Variants in SLC25A13 observed in about 807,000 individuals in gnomAD.
The protein encoded by SLC25A13 is electrogenic aspartate/glutamate antiporter SLC25A13, mitochondrial.
In SLC25A13, 70 loss-of-function variants were observed where a neutral mutation model predicts 85.5. That is an observed-to-expected ratio of 0.82 (90% confidence interval 0.68 to 1.00). The LOEUF is 1.00. Ranked by LOEUF, SLC25A13 falls within the 50% of genes least tolerant of loss-of-function variation. SLC25A13 has a pLI of 0.00. For synonymous variants in SLC25A13, 259 were observed against 288.7 expected (o/e 0.90, Z 1.04); for missense variants, 765 against 819.8 (o/e 0.93, Z 0.82).
At chr7:96,135,746 A>G (rs927024196) in intron 14 of SLC25A13, among the ~76,000 whole-genome samples, 2 of 152,182 alleles carry the variant, frequency 1.3e-5, no homozygotes, top group African/African-American at 4.8e-5. Flanking sequence ...CAGCAACACA[A>G]AAATATTACT....
intron 1 of SLC25A13, among the ~76,000 whole-genome samples, chr7:96,311,535 C>A: frequency 6.6e-6 from 1 of 151,922 alleles, no homozygotes; most frequent in Non-Finnish European, 1.5e-5. Context: ...AGGAAACAAC[C>A]AAAAAGGGGG....
intron 13 of SLC25A13, among the ~76,000 whole-genome samples, chr7:96,157,645 A>T (rs573181282): frequency 3.3e-5 from 5 of 152,122 alleles, no homozygotes; most frequent in African/African-American, 1.2e-4. Flanking sequence ...CTCTACTAAA[A>T]ATACAAAAAT....
At chr7:96,157,432 C>T (rs1365546986) in intron 13 of SLC25A13, among the ~76,000 whole-genome samples, 1 of 152,158 alleles carries the variant, frequency 6.6e-6, no homozygotes, top group Non-Finnish European at 1.5e-5. Context: ...ATCCCTCTTG[C>T]CATGTTACAT....
chr7:96,165,476 C>T (rs751117876), intron 13 of SLC25A13, among the ~76,000 whole-genome samples: 7 of 152,266 alleles, frequency 4.6e-5, no homozygotes, highest in African/African-American at 9.6e-5. Flanking sequence ...AACAGACATA[C>T]GCAGTATCTG....
At chr7:96,317,787 A>ATTATT (rs1800184714) in intron 1 of SLC25A13, among the ~76,000 whole-genome samples, 1 of 144,518 alleles carries the variant, frequency 6.9e-6, no homozygotes, top group Non-Finnish European at 1.5e-5. Flanking sequence ...ATTTTATTTT[A>ATTATT]TTATTTTATT....
intron 2 of SLC25A13, among the ~76,000 whole-genome samples, chr7:96,294,367 C>T (rs1464864521): frequency 6.6e-6 from 1 of 152,052 alleles, no homozygotes; most frequent in Non-Finnish European, 1.5e-5. Context: ...CAACATGGCT[C>T]ATGTATACAT....
intron 3 of SLC25A13, among the ~76,000 whole-genome samples, chr7:96,264,224 C>T (rs1797961483): frequency 6.6e-6 from 1 of 152,180 alleles, no homozygotes; most frequent in South Asian, 2.1e-4. Context: ...GCCACACTAA[C>T]TGGTCTCACT....
intron 4 of SLC25A13, among the ~76,000 whole-genome samples, chr7:96,223,819 G>C (rs774771298): frequency 2.8e-5 from 4 of 143,062 alleles, no homozygotes; most frequent in Non-Finnish European, 6.0e-5. Context: ...AAAAAAAGTA[G>C]TATTCAATCT....
chr7:96,149,358 A>C (rs1440499440), intron 13 of SLC25A13, among the ~76,000 whole-genome samples: 1 of 152,200 alleles, frequency 6.6e-6, no homozygotes, highest in Non-Finnish European at 1.5e-5. Context: ...GAATTGTCTT[A>C]TTATCTCTTA....
chr7:96,317,461 C>T (rs545701509), intron 1 of SLC25A13, among the ~76,000 whole-genome samples: 1 of 152,044 alleles, frequency 6.6e-6, no homozygotes, highest in South Asian at 2.1e-4. Context: ...CTAGTAAGCG[C>T]TCAGTAAGTG....
intron 11 of SLC25A13, among the ~76,000 whole-genome samples, chr7:96,181,551 C>T (rs530519320): frequency 6.6e-6 from 1 of 151,918 alleles, no homozygotes; most frequent in Non-Finnish European, 1.5e-5. Flanking sequence ...AATAAGATCG[C>T]ATGCTACAAA....
chr7:96,269,973 T>C (rs576462536), intron 3 of SLC25A13, among the ~76,000 whole-genome samples: 1 of 152,256 alleles, frequency 6.6e-6, no homozygotes, highest in African/African-American at 2.4e-5. Flanking sequence ...AAGGGGACAG[T>C]ATGGGGAAAG....
Position 96,240,458 on chromosome 7 carries a change from C to T in SLC25A13, c.213-5541G>A, listed in dbSNP as rs137996980. 4.5e-3 allele frequency among the ~76,000 whole-genome samples: 692 copies of T among 152,208 alleles called. 3 individuals are homozygous for T. Among genetic ancestry groups the T allele is most frequent in the African/African-American group, 0.016 (649 of 41,534 alleles). ...GTTTGGCAGAGGGCAGTTCTAGGGA[C>T]GCAATCTCTGCTCCCCAGAAATGGT... is the stretch of plus-strand genomic sequence containing the variant. On this transcript the variant is annotated intron_variant, in intron 3 of 17. Transcript: ENST00000265631.
chr7:96,213,339 T>C (rs1234376990), intron 4 of SLC25A13, among the ~76,000 whole-genome samples: 1 of 152,228 alleles, frequency 6.6e-6, no homozygotes, highest in Non-Finnish European at 1.5e-5. Flanking sequence ...CACTTAACAT[T>C]TGATTGTTTA....
At chr7:96,273,719 CT>C (rs1292836146) in intron 3 of SLC25A13, among the ~76,000 whole-genome samples, 2 of 152,084 alleles carry the variant, frequency 1.3e-5, no homozygotes, top group African/African-American at 4.8e-5. Flanking sequence ...CTTCTCTCAA[CT>C]TTTTTGTGAC....
At chr7:96,222,137 T>C (rs1048114987) in intron 4 of SLC25A13, among the ~76,000 whole-genome samples, 4 of 152,218 alleles carry the variant, frequency 2.6e-5, no homozygotes, top group African/African-American at 9.6e-5. Context: ...AGGAGAGCCC[T>C]TTTCCACATG....
intron 11 of SLC25A13, among the ~76,000 whole-genome samples, chr7:96,180,830 A>C (rs1331945781): frequency 6.6e-6 from 1 of 152,246 alleles, no homozygotes; most frequent in Non-Finnish European, 1.5e-5. Context: ...AATACGCCAG[A>C]TCTATAGCAG....
intron 3 of SLC25A13, among the ~76,000 whole-genome samples, chr7:96,273,397 T>G (rs1211754554): frequency 1.3e-5 from 2 of 152,196 alleles, no homozygotes; most frequent in Non-Finnish European, 2.9e-5. Flanking sequence ...GATCTGCAAA[T>G]ATACTTGAAA....
At chr7:96,122,278 G>A (rs1333776789) in intron 15 of SLC25A13, among the ~76,000 whole-genome samples, 2 of 152,134 alleles carry the variant, frequency 1.3e-5, no homozygotes, top group Non-Finnish European at 2.9e-5. Flanking sequence ...TTAAGAAATT[G>A]TTTATCAATA....
Sources: gnomAD v4.1 joint callset for allele counts (sites outside exome capture counted in the v4.1 genomes callset) on GRCh38, gnomAD v4.1.1 for gene constraint, MANE v1.5 for transcripts, NCBI Gene and HGNC (gene_info 2026-07-23, HGNC 2026-07-21) for gene names.